BMERB1: variants seen among roughly 807,000 people sequenced by gnomAD.
BMERB1 encodes the protein bMERB domain-containing protein 1.
BMERB1 carries 12 observed loss-of-function variants against 23.6 expected under a neutral mutation model. The ratio of observed to expected loss-of-function variants is 0.51; its 90% CI spans 0.33 to 0.82. The LOEUF is 0.82. Among genes scored for constraint, BMERB1 ranks in the 40% least tolerant of loss-of-function variants. The pLI, the probability that BMERB1 is intolerant of heterozygous loss-of-function variation, is 0.03. For missense variants in BMERB1, 247 were observed against 255.4 expected (o/e 0.97, Z 0.22); for synonymous variants, 122 against 96.6 (o/e 1.26, Z -1.54).
At chr16:15,437,965 A>G (rs1047884687) in intron 1 of BMERB1, among the ~76,000 whole-genome samples, 3 of 151,372 alleles carry the variant, frequency 2.0e-5, no homozygotes, top group African/African-American at 7.3e-5. Flanking sequence ...CTCAAAAAAA[A>G]AGAGTCTGGT....
At chr16:15,543,595 A>C (rs538584199) in intron 2 of BMERB1, among the ~76,000 whole-genome samples, 1 of 152,166 alleles carries the variant, frequency 6.6e-6, no homozygotes, top group South Asian at 2.1e-4. Context: ...TCGAAGCAGG[A>C]GGACTCCTTG....
At chr16:15,548,232 G>A (rs147577089) in intron 2 of BMERB1, among the ~76,000 whole-genome samples, 72 of 152,242 alleles carry the variant, frequency 4.7e-4, no homozygotes, top group African/African-American at 1.6e-3. Context: ...TGATCTGCTG[G>A]TCTTGGCCTT....
chr16:15,542,157 A>G (rs1203482246), intron 2 of BMERB1, among the ~76,000 whole-genome samples: 4 of 145,256 alleles, frequency 2.8e-5, no homozygotes, highest in Non-Finnish European at 6.0e-5. Flanking sequence ...TCCGCCTCCC[A>G]GGTTCAAGCA....
At chr16:15,446,045 T>TGC (rs1567448648) in intron 1 of BMERB1, among the ~76,000 whole-genome samples, 10 of 151,586 alleles carry the variant, frequency 6.6e-5, no homozygotes, top group Non-Finnish European at 1.2e-4. Flanking sequence ...TTTAAAAACT[T>TGC]AAACTATTGT....
intron 1 of BMERB1, among the ~76,000 whole-genome samples, chr16:15,485,585 T>A (rs768741596): frequency 1.3e-4 from 20 of 152,162 alleles, no homozygotes; most frequent in Non-Finnish European, 2.5e-4. Flanking sequence ...ATATCCATTC[T>A]GGTCATTTCA....
intron 2 of BMERB1, among the ~76,000 whole-genome samples, chr16:15,555,766 C>T (rs1046426776): frequency 2.0e-5 from 3 of 152,228 alleles, no homozygotes; most frequent in Middle Eastern, 3.2e-3. Context: ...CAGGGGCTCC[C>T]TGGACACTTA....
In BMERB1 at chr16:15,586,724, GGCAGAGAAGAAA is replaced by G. The variant is rs748403294; in HGVS notation, c.517_528del (p.Lys173_Glu176del). On this transcript the variant is annotated inframe_deletion, in exon 6 of 6. Transcript: ENST00000300006. ...GCCCACATCTTGCTGCAGGCTCCCG[GGCAGAGAAGAAA>G]GCAGAGCCCCCACCTAGCAAGCCCA... 1.2e-6 allele frequency: 2 copies of G among 1,609,604 alleles called. No homozygotes were observed. Among genetic ancestry groups the G allele is most frequent in the African/African-American group, 2.7e-5 (2 of 75,002 alleles).
At chr16:15,484,890 G>A (rs1347860893) in intron 1 of BMERB1, among the ~76,000 whole-genome samples, 1 of 152,196 alleles carries the variant, frequency 6.6e-6, no homozygotes, top group Non-Finnish European at 1.5e-5. Context: ...AGTAGTCACT[G>A]TACTTCAAGG....
intron 2 of BMERB1, among the ~76,000 whole-genome samples, chr16:15,529,646 C>A (rs1321992410): frequency 6.6e-6 from 1 of 152,168 alleles, no homozygotes; most frequent in Non-Finnish European, 1.5e-5. Context: ...CACAGCCAAA[C>A]TCAGCGTAGG....
In BMERB1 at chr16:15,506,232, G is replaced by A. The variant is rs1187806305; in HGVS notation, c.107-9073G>A. Among the ~76,000 whole-genome samples the A allele has an allele frequency of 4.6e-5, 7 of 151,276 alleles. No homozygotes were observed. The East Asian group carries it at 1.2e-3, about 25-fold the overall frequency. On this transcript the variant is annotated intron_variant, in intron 1 of 5. Transcript: ENST00000300006. ...GCTCTGTCACCCAGGCTGGAGTGCCGCGGTGCGATCTCTGCTCACTACAAG... is the reference window on the plus strand; with the variant it reads ...GCTCTGTCACCCAGGCTGGAGTGCCACGGTGCGATCTCTGCTCACTACAAG...
intron 3 of BMERB1, among the ~76,000 whole-genome samples, chr16:15,572,861 G>A (rs907072568): frequency 6.6e-6 from 1 of 152,136 alleles, no homozygotes; most frequent in African/African-American, 2.4e-5. Flanking sequence ...CTATTCTCAT[G>A]GTAGTGAAGA....
At chr16:15,508,358 G>A (rs1265968136) in intron 1 of BMERB1, among the ~76,000 whole-genome samples, 3 of 152,076 alleles carry the variant, frequency 2.0e-5, no homozygotes, top group African/African-American at 4.8e-5. Context: ...TTGAGGCTTC[G>A]TGGGCCAGGG....
intron 2 of BMERB1, among the ~76,000 whole-genome samples, chr16:15,545,069 T>G (rs1182642402): frequency 6.6e-6 from 1 of 151,556 alleles, no homozygotes; most frequent in East Asian, 1.9e-4. Flanking sequence ...GCCCCCCGGG[T>G]TCAAGCAATT....
intron 1 of BMERB1, among the ~76,000 whole-genome samples, chr16:15,464,781 C>A (rs2150929242): frequency 6.6e-6 from 1 of 152,242 alleles, no homozygotes; most frequent in East Asian, 1.9e-4. Context: ...ACTTCTGACA[C>A]CATCTTGGAT....
At chr16:15,525,706 G>GAA (rs772716993) in intron 2 of BMERB1, among the ~76,000 whole-genome samples, 8 of 116,814 alleles carry the variant, frequency 6.8e-5, no homozygotes, top group African/African-American at 2.0e-4. Flanking sequence ...TCCCATCTCA[G>GAA]AAAAAAAAAA....
At chr16:15,522,013 C>G (rs1165881857) in intron 2 of BMERB1, among the ~76,000 whole-genome samples, 1 of 152,166 alleles carries the variant, frequency 6.6e-6, no homozygotes, top group East Asian at 1.9e-4. Context: ...TCTTGCAGCC[C>G]CTCTGGCTCG....
intron 2 of BMERB1, among the ~76,000 whole-genome samples, chr16:15,520,831 C>T (rs1367288134): frequency 6.6e-6 from 1 of 152,148 alleles, no homozygotes; most frequent in Non-Finnish European, 1.5e-5. Context: ...CCTTTCTGAT[C>T]TTAAAGCTTG....
At chr16:15,555,155 G>C (rs765392162) in intron 2 of BMERB1, among the ~76,000 whole-genome samples, 17 of 152,020 alleles carry the variant, frequency 1.1e-4, no homozygotes, top group Non-Finnish European at 2.2e-4. Flanking sequence ...GCTCACCCAG[G>C]AGCTCAACCT....
chr16:15,505,718 C>T (rs774313625), intron 1 of BMERB1, among the ~76,000 whole-genome samples: 1 of 151,800 alleles, frequency 6.6e-6, no homozygotes, highest in Non-Finnish European at 1.5e-5. Flanking sequence ...TGAAACCCGT[C>T]TCTACTAAAA....
Sources: gnomAD v4.1 joint callset for allele counts (sites outside exome capture counted in the v4.1 genomes callset) on GRCh38, gnomAD v4.1.1 for gene constraint, MANE v1.5 for transcripts, NCBI Gene and HGNC (gene_info 2026-07-23, HGNC 2026-07-21) for gene names.